Variants in ARHGEF2 observed in about 807,000 individuals in gnomAD.
ARHGEF2 encodes Rho/Rac guanine nucleotide exchange factor 2.
A neutral mutation model predicts 121.0 loss-of-function variants in ARHGEF2; 22 were observed. That is an observed-to-expected ratio of 0.18 (90% confidence interval 0.13 to 0.26). The LOEUF (loss-of-function observed/expected upper bound fraction) is 0.26. Among genes scored for constraint, ARHGEF2 ranks in the 10% least tolerant of loss-of-function variants. ARHGEF2 has a pLI of 1.00. For missense variants in ARHGEF2, 907 were observed against 1,336.0 expected, an observed-to-expected ratio of 0.68 and a Z score of 5.01; for synonymous variants, 487 against 530.0, an observed-to-expected ratio of 0.92 and a Z score of 1.11.
At chr1:155,973,083 C>T (rs1207167172) in intron 1 of ARHGEF2, among the ~76,000 whole-genome samples, 1 of 152,040 alleles carries the variant, frequency 6.6e-6, no homozygotes, top group African/African-American at 2.4e-5. Flanking sequence ...ACTACTGCTA[C>T]ATCAAGGATA....
rs773863517 is a variant in ARHGEF2 at position 155,969,247 on chromosome 1, C to T, written c.117G>A (p.Gly39=). Residue 39 remains glycine, a synonymous_variant, in exon 2 of 22, where the codon GGG becomes GGA. Transcript: ENST00000361247. The stretch of plus-strand genomic sequence containing the variant: ...AAACTGAAATGGTGGTGAAGAGGTG[C>T]CCATTGGTATAGCGGGCATCCTTGG... ...KEAKDARYTN[G]HLFTTISVSG... 1.9e-6 allele frequency: 3 copies of T among 1,614,046 alleles called. No individual in the cohort carries two copies. Among genetic ancestry groups the T allele is most frequent in the African/African-American group, 1.3e-5 (1 of 74,928 alleles).
chr1:155,978,647 C>T (rs74404550), upstream of ARHGEF2: 3 of 1,189,254 alleles, frequency 2.5e-6, no homozygotes, highest in African/African-American at 4.7e-5. The surrounding 1 kb of genome is among the most constrained non-coding windows in gnomAD (Gnocchi z 4.1). Context: ...GCGGGGTGCC[C>T]GCGCGCAGGA....
Position 155,965,168 on chromosome 1 carries a change from A to T in ARHGEF2, c.581-37T>A. 1 of 1,611,532 alleles carries T rather than the reference A, an allele frequency of 6.2e-7. No homozygotes were observed. The highest frequency in any genetic ancestry group is 8.5e-7 in the Non-Finnish European group (1 of 1,178,104). On this transcript the variant is annotated intron_variant, in intron 6 of 21. Coordinates refer to ENST00000361247, the MANE Select transcript of ARHGEF2 (RefSeq NM_001162383.2). The surrounding 1 kb of genome is among the most constrained non-coding windows in gnomAD (Gnocchi z 6.0). ...CAGGGCAAGCAACTCAGAGGTCTTG[A>T]GTTCCCTTCCCTGGGTCCCTGGCCC...
Position 155,962,395 on chromosome 1 carries a change from A to T in ARHGEF2, c.1102-173T>A. 2.0e-6 allele frequency: 2 copies of T among 1,012,086 alleles called. No homozygotes were observed. The highest frequency in any genetic ancestry group is 2.9e-6 in the Non-Finnish European group (2 of 690,224). 62.7% of individuals were successfully genotyped at this position (1,012,086 alleles called of 1,614,324 possible). ...GTTTGTTGTGAGGACCAACTGAAGG[A>T]GCAAAAAGTACTTGGGAAACTACCA... On this transcript the variant is annotated intron_variant, in intron 9 of 21. Transcript: ENST00000361247. This position sits in a 1 kb window ranked among gnomAD's most constrained non-coding sequence, Gnocchi z 5.8.
chr1:155,953,881 A>C lies in ARHGEF2; in HGVS notation c.1783+1021T>G, dbSNP rs1676047493. Among the ~76,000 whole-genome samples the C allele has an allele frequency of 2.0e-5, 3 of 152,064 alleles. No individual in the cohort carries two copies. The South Asian group carries it at 6.2e-4, about 31-fold the overall frequency. ...TAGCCACTTCAGACATGACATAGAGATGAAAACTTCATGTTAAAGATGGCA... is the reference window on the plus strand; with the variant it reads ...TAGCCACTTCAGACATGACATAGAGCTGAAAACTTCATGTTAAAGATGGCA... On this transcript the variant is annotated intron_variant, in intron 14 of 21. Transcript: ENST00000361247.
upstream of ARHGEF2, chr1:155,978,767 A>G: frequency 2.4e-6 from 2 of 846,162 alleles, no homozygotes; most frequent in South Asian, 1.1e-4. This position sits in a 1 kb window ranked among gnomAD's most constrained non-coding sequence, Gnocchi z 4.1. Context: ...GGCGCCCTCT[A>G]GCCCCAGAGA....
At chr1:155,970,648 C>T (rs966291462) in intron 1 of ARHGEF2, 22 of 985,624 alleles carry the variant, frequency 2.2e-5, no homozygotes, top group Non-Finnish European at 2.5e-5. Flanking sequence ...CCAGTACTGA[C>T]TCAGCCGAGG....
chr1:155,970,816 G>C, intron 1 of ARHGEF2: 1 of 986,240 alleles, frequency 1.0e-6, no homozygotes, highest in Non-Finnish European at 1.2e-6. Flanking sequence ...CTGGGCCCAA[G>C]ATCCTTCTCT....
chr1:155,978,866 T>TTCCCTTCTCCCCTCGCCCTCCC, upstream of ARHGEF2: 2 of 982,358 alleles, frequency 2.0e-6, no homozygotes, highest in Non-Finnish European at 2.4e-6. This position sits in a 1 kb window ranked among gnomAD's most constrained non-coding sequence, Gnocchi z 4.1. Flanking sequence ...CCTCCCCTTC[T>TTCCCTTCTCCCCTCGCCCTCCC]TCCCTTCTCC....
In ARHGEF2 at chr1:155,964,144, CAAAAAAAAAA is replaced by C. The variant is rs71576039; in HGVS notation, c.724+834_724+843del. ...TGGGCGACAGAGCAAGACTCTGCTTCAAAAAAAAAAAAAAAAAAAAAAAATATATATATAT... is the reference window on the plus strand; with the variant it reads ...TGGGCGACAGAGCAAGACTCTGCTTCAAAAAAAAAAAAAATATATATATAT... On this transcript the variant is annotated intron_variant, in intron 7 of 21. Coordinates refer to ENST00000361247, the MANE Select transcript of ARHGEF2 (RefSeq NM_001162383.2). 4.4e-3 allele frequency among the ~76,000 whole-genome samples: 245 copies of C among 55,676 alleles called. 2 individuals carry two copies. Among genetic ancestry groups the C allele is most frequent in the East Asian group, 0.04 (38 of 952 alleles). 36.5% of individuals were successfully genotyped at this position (55,676 alleles called of 152,430 possible).
Position 155,964,908 on chromosome 1 carries a change from A to AT in ARHGEF2, c.724+79_724+80insA, listed in dbSNP as rs1245712736. Reference sequence around the variant, plus strand: ...ACTCCATCTCAAAAAAAAAAAAAAAAAGAAAAAGAAAAATAAAGAAGGAAG... The same window carrying AT: ...ACTCCATCTCAAAAAAAAAAAAAAAATAGAAAAAGAAAAATAAAGAAGGAAG... On this transcript the variant is annotated intron_variant, in intron 7 of 21. Coordinates refer to ENST00000361247, the MANE Select transcript of ARHGEF2 (RefSeq NM_001162383.2). 2.1e-5 allele frequency: 31 copies of AT among 1,468,412 alleles called. No individual in the cohort carries two copies. In the African/African-American group the frequency reaches 3.9e-4, roughly 18 times the overall value. 91.0% of individuals were successfully genotyped at this position (1,468,412 alleles called of 1,614,324 possible).
Position 155,951,433 on chromosome 1 carries a change from T to A in ARHGEF2, c.2259+50A>T. On this transcript the variant is annotated intron_variant, in intron 19 of 21. Transcript: ENST00000361247. The surrounding 1 kb of genome is among the most constrained non-coding windows in gnomAD (Gnocchi z 5.1). ...TGACCATGCCCCACCTAAACAGGCATCTCTAGCCTGGCTCCTCCCCTTCCC... is the reference window on the plus strand; with the variant it reads ...TGACCATGCCCCACCTAAACAGGCAACTCTAGCCTGGCTCCTCCCCTTCCC... 1 of 1,610,276 alleles carries A rather than the reference T, an allele frequency of 6.2e-7. No homozygotes were observed. Among genetic ancestry groups the A allele is most frequent in the Non-Finnish European group, 8.5e-7 (1 of 1,176,596 alleles).
At chr1:155,966,542 A>G (rs984721213) in intron 3 of ARHGEF2, 63 bp from the exon 4 acceptor site, 1 of 1,585,230 alleles carries the variant, frequency 6.3e-7, no homozygotes, top group Non-Finnish European at 8.7e-7. Context: ...TCACCCCCAG[A>G]GGCATGGGAC....
In ARHGEF2 at chr1:155,954,884, C is replaced by T; in HGVS notation, c.1783+18G>A. On this transcript the variant is annotated intron_variant, in intron 14 of 21. Coordinates refer to ENST00000361247, the MANE Select transcript of ARHGEF2 (RefSeq NM_001162383.2). ...ATGTATTATAAATTACTAAGGAGCT[C>T]CTTGTGGGTGGACTTACTCTTAATT... 1 of 1,608,296 alleles carries T rather than the reference C, an allele frequency of 6.2e-7. No individual in the cohort carries two copies. The highest frequency in any genetic ancestry group is 1.1e-5 in the South Asian group (1 of 90,022).
intron 14 of ARHGEF2, among the ~76,000 whole-genome samples, chr1:155,953,191 G>A (rs1675869455): frequency 6.7e-6 from 1 of 149,780 alleles, no homozygotes; most frequent in African/African-American, 2.5e-5. Context: ...CTTGAACCCA[G>A]GAGGCAGAGG....
At chr1:155,960,992 C>T (rs1025570004) in intron 11 of ARHGEF2, among the ~76,000 whole-genome samples, 1 of 152,178 alleles carries the variant, frequency 6.6e-6, no homozygotes, top group African/African-American at 2.4e-5. Flanking sequence ...TCTGGCTGCG[C>T]TCCCCAAAGC....
chr1:155,963,020 C>G lies in ARHGEF2; in HGVS notation c.888G>C (p.Gln296His). Residue 296 changes from glutamine to histidine, a missense_variant, in exon 8 of 22, where the codon CAG becomes CAC. Around this residue, in one of 2 missense-constraint regions of ARHGEF2, gnomAD observed 475 missense variants for 776.5 expected, o/e 0.61. Transcript: ENST00000361247. ...GGGCCTGGCGTCGGCGTTCTAATAGCTGGCTGAGGAAGCGTGTATGGATGT... is the reference window on the plus strand; with the variant it reads ...GGGCCTGGCGTCGGCGTTCTAATAGGTGGCTGAGGAAGCGTGTATGGATGT... ...LSDIHTRFLS[Q>H]LLERRRQALC... 4.3e-6 allele frequency: 7 copies of G among 1,614,152 alleles called. No individual in the cohort carries two copies. The highest frequency in any genetic ancestry group is 5.9e-6 in the Non-Finnish European group (7 of 1,180,038).
intron 14 of ARHGEF2, 142 bp downstream of exon 14, chr1:155,954,760 C>T: frequency 2.7e-6 from 2 of 737,946 alleles, no homozygotes; most frequent in Non-Finnish European, 4.3e-6. Flanking sequence ...TGTTTTAAAC[C>T]TTGCTTTTTT....
chr1:155,952,555 A>G, intron 15 of ARHGEF2, 73 bp downstream of exon 15: 1 of 1,501,780 alleles, frequency 6.7e-7, no homozygotes, highest in South Asian at 1.3e-5. Context: ...GTGTTTGTCC[A>G]TGTCTAGTCA....
Sources: allele counts gnomAD v4.1 joint callset (sites outside exome capture counted in the v4.1 genomes callset), GRCh38; gene constraint gnomAD v4.1.1; regional missense constraint gnomAD v4.1.1; non-coding constraint Gnocchi (gnomAD v3.1); transcripts MANE v1.5; gene names NCBI Gene and HGNC (gene_info 2026-07-23, HGNC 2026-07-21).